Variants in TRDN observed in about 807,000 individuals in gnomAD.
TRDN encodes triadin in skeletal muscle.
Under a neutral mutation model 149.7 loss-of-function variants are expected in TRDN, and 161 were observed. The ratio of observed to expected loss-of-function variants is 1.08; its 90% confidence interval spans 0.95 to 1.23. The LOEUF is 1.23. TRDN is among the 50% of genes most tolerant of loss of function. The probability of loss-of-function intolerance (pLI) is 0.00; values close to 1 mark genes in which losing one functional copy is unlikely to be tolerated. For synonymous variants in TRDN, 294 were observed against 250.5 expected, an observed-to-expected ratio of 1.17 and a Z score of -1.64; for missense variants, 896 against 823.5, an observed-to-expected ratio of 1.09 and a Z score of -1.08.
At chr6:123,233,101 T>C (rs977855818) in intron 38 of TRDN, among the ~76,000 whole-genome samples, 2 of 152,102 alleles carry the variant, frequency 1.3e-5, no homozygotes, top group South Asian at 2.1e-4. Context: ...TCTGCAGAGA[T>C]ACCCAAAGCT....
chr6:123,330,472 C>T (rs926478953), intron 23 of TRDN, among the ~76,000 whole-genome samples: 2 of 151,858 alleles, frequency 1.3e-5, no homozygotes, highest in African/African-American at 4.8e-5. Flanking sequence ...AATCCTCTTG[C>T]AAGGCAAAAT....
At chr6:123,583,673 A>G (rs1783255524) in intron 1 of TRDN, among the ~76,000 whole-genome samples, 1 of 152,056 alleles carries the variant, frequency 6.6e-6, no homozygotes. Context: ...ATTATGTCTG[A>G]CAGAAGGGAA....
chr6:123,471,729 G>T (rs1777161975), intron 9 of TRDN: 1 of 151,980 alleles, frequency 6.6e-6, no homozygotes, highest in East Asian at 1.9e-4. Flanking sequence ...CATATTTCAT[G>T]CATTCTTTTG....
intron 1 of TRDN, among the ~76,000 whole-genome samples, chr6:123,580,496 C>T (rs1783070459): frequency 6.6e-6 from 1 of 152,164 alleles, no homozygotes; most frequent in Admixed American, 6.5e-5. Context: ...GCATATTTTT[C>T]TTGTTCTCTG....
chr6:123,374,655 C>T (rs906633751), intron 19 of TRDN, among the ~76,000 whole-genome samples: 8 of 151,760 alleles, frequency 5.3e-5, no homozygotes, highest in African/African-American at 1.7e-4. Flanking sequence ...CATAATATGT[C>T]TCAAAAACTA....
At chr6:123,473,019 C>G (rs558955960) in intron 9 of TRDN, among the ~76,000 whole-genome samples, 2 of 152,290 alleles carry the variant, frequency 1.3e-5, no homozygotes, top group South Asian at 4.1e-4. Flanking sequence ...AAACTGGAAA[C>G]TCTAAAAACC....
intron 9 of TRDN, among the ~76,000 whole-genome samples, chr6:123,472,730 G>A (rs1362818786): frequency 6.6e-6 from 1 of 152,214 alleles, no homozygotes; most frequent in Non-Finnish European, 1.5e-5. Context: ...CGCAGCTGGA[G>A]ATCTGAGAAC....
intron 10 of TRDN, among the ~76,000 whole-genome samples, chr6:123,454,521 C>G (rs117331090): frequency 6.6e-6 from 1 of 152,116 alleles, no homozygotes; most frequent in Admixed American, 6.6e-5. Flanking sequence ...CATCTTATAA[C>G]CTGTGAGGAA....
intron 1 of TRDN, among the ~76,000 whole-genome samples, chr6:123,614,293 A>C (rs542258249): frequency 2.2e-5 from 3 of 133,776 alleles, no homozygotes; most frequent in Non-Finnish European, 3.0e-5. Flanking sequence ...TTCATTAAAA[A>C]AAAAAACAAA....
intron 21 of TRDN, chr6:123,351,461 C>A (rs1369493295): frequency 6.1e-6 from 6 of 984,178 alleles, no homozygotes; most frequent in Non-Finnish European, 7.2e-6. Flanking sequence ...CAAAAAGAAA[C>A]CAACAGAAAC....
intron 4 of TRDN, among the ~76,000 whole-genome samples, chr6:123,544,572 T>C (rs1428286769): frequency 6.6e-6 from 1 of 152,040 alleles, no homozygotes; most frequent in Non-Finnish European, 1.5e-5. Context: ...CACTTCCAGA[T>C]GTGCAAAGTA....
intron 40 of TRDN, among the ~76,000 whole-genome samples, chr6:123,219,496 A>G (rs1466110484): frequency 4.6e-5 from 7 of 151,856 alleles, no homozygotes; most frequent in Non-Finnish European, 8.8e-5. Context: ...GAAGGCCAGG[A>G]AAGAAAAATC....
At chr6:123,505,857 G>A (rs1340819731) in intron 7 of TRDN, among the ~76,000 whole-genome samples, 2 of 151,912 alleles carry the variant, frequency 1.3e-5, no homozygotes, top group Non-Finnish European at 2.9e-5. Context: ...CTATCACCAA[G>A]CCCAGTTAAT....
At chr6:123,356,543 A>G (rs1368486705) in intron 20 of TRDN, among the ~76,000 whole-genome samples, 1 of 100,722 alleles carries the variant, frequency 9.9e-6, no homozygotes, top group African/African-American at 4.1e-5. Context: ...ATATATATAT[A>G]TATATAGTTG....
intron 9 of TRDN, among the ~76,000 whole-genome samples, chr6:123,479,060 T>G (rs1777626183): frequency 6.6e-6 from 1 of 152,116 alleles, no homozygotes; most frequent in Non-Finnish European, 1.5e-5. Flanking sequence ...CTTAAATGAG[T>G]GAGTAAACAA....
intron 1 of TRDN, among the ~76,000 whole-genome samples, chr6:123,582,359 C>A (rs1220524291): frequency 6.6e-6 from 1 of 152,076 alleles, no homozygotes; most frequent in Non-Finnish European, 1.5e-5. Flanking sequence ...TGTGAAGAGA[C>A]CACCAAACAG....
intron 29 of TRDN, among the ~76,000 whole-genome samples, chr6:123,272,555 A>G (rs1393462727): frequency 6.6e-6 from 1 of 151,988 alleles, no homozygotes; most frequent in African/African-American, 2.4e-5. Flanking sequence ...GAAAAGAAGC[A>G]TGGAGAAATG....
intron 35 of TRDN, among the ~76,000 whole-genome samples, chr6:123,257,735 A>G (rs902731011): frequency 6.6e-5 from 10 of 152,342 alleles, no homozygotes; most frequent in Non-Finnish European, 1.5e-4. Context: ...CAGTATGGCC[A>G]TCTTCACAAT....
At chr6:123,586,192 C>T (rs1480008755) in intron 1 of TRDN, among the ~76,000 whole-genome samples, 1 of 152,052 alleles carries the variant, frequency 6.6e-6, no homozygotes, top group Non-Finnish European at 1.5e-5. Flanking sequence ...GCTTCAGCCA[C>T]CTTTTTAAGA....
Sources: gnomAD v4.1 joint callset for allele counts (sites outside exome capture counted in the v4.1 genomes callset) on GRCh38, gnomAD v4.1.1 for gene constraint, MANE v1.5 for transcripts, NCBI Gene and HGNC (gene_info 2026-07-23, HGNC 2026-07-21) for gene names.